The following NTN1 variants were observed in gnomAD, a reference collection of about 807,000 sequenced individuals.
The protein encoded by NTN1 is netrin 1, also known as netrin-1.
In NTN1, 11 loss-of-function variants were observed where a neutral mutation model predicts 54.2. That is an observed-to-expected ratio of 0.20 (90% CI 0.13 to 0.34). The LOEUF is 0.34. Ranked by LOEUF, NTN1 falls within the 10% of genes least tolerant of loss-of-function variation. The probability of loss-of-function intolerance (pLI) is 1.00; values close to 1 mark genes in which losing one functional copy is unlikely to be tolerated. For synonymous variants in NTN1, 371 were observed against 382.0 expected (o/e 0.97, Z 0.33); for missense variants, 740 against 893.1 (o/e 0.83, Z 2.18).
At chr17:9,189,682 T>TA (rs376865303) in intron 5 of NTN1, among the ~76,000 whole-genome samples, 12,757 of 147,630 alleles carry the variant, frequency 0.086, 727 homozygotes, top group East Asian at 0.21. Context: ...TTTAGATAAT[T>TA]AAAAAAAAAA....
chr17:9,085,156 C>T (rs1218362694), intron 2 of NTN1, among the ~76,000 whole-genome samples: 1 of 152,184 alleles, frequency 6.6e-6, no homozygotes, highest in Non-Finnish European at 1.5e-5. Flanking sequence ...TACCTCTTTC[C>T]CTCACTTCGT....
the NTN1 span, among the ~76,000 whole-genome samples, chr17:9,007,763 C>T: frequency 6.6e-6 from 1 of 150,726 alleles, no homozygotes; most frequent in Admixed American, 6.6e-5. Context: ...ATGGGGTCTC[C>T]TTCTGTCACC....
At chr17:9,009,424 T>C in the NTN1 span, among the ~76,000 whole-genome samples, 1 of 152,220 alleles carries the variant, frequency 6.6e-6, no homozygotes, top group Non-Finnish European at 1.5e-5. Flanking sequence ...TTCTGGGGGC[T>C]GGCATGGTGA....
intron 3 of NTN1, chr17:9,174,004 G>C (rs763514932): frequency 6.6e-6 from 1 of 152,540 alleles, no homozygotes; most frequent in Non-Finnish European, 1.5e-5. Flanking sequence ...GGGGGCTGCT[G>C]ATGGGGCCGG....
At chr17:9,177,627 G>A (rs1303851395) in intron 3 of NTN1, 1 of 152,194 alleles carries the variant, frequency 6.6e-6, no homozygotes, top group African/African-American at 2.4e-5. Context: ...CAGGGGCTTC[G>A]AAGACAGTAG....
chr17:9,044,423 CG>C lies in NTN1; in HGVS notation c.1018+21036del, dbSNP rs545265357. ...CTAGTTTTTGTATTTTTAGTAGAGA[CG>C]GGGTTTCACCGTGTTGGCCAGGCTG... On this transcript the variant is annotated intron_variant, in intron 2 of 6. Coordinates refer to ENST00000173229, the MANE Select transcript of NTN1 (RefSeq NM_004822.3). 1.0e-3 allele frequency among the ~76,000 whole-genome samples: 158 copies of C among 151,976 alleles called. No homozygotes were observed. The South Asian group carries it at 0.012, about 11-fold the overall frequency.
intron 2 of NTN1, among the ~76,000 whole-genome samples, chr17:9,160,923 A>G (rs1423875536): frequency 6.6e-6 from 1 of 152,238 alleles, no homozygotes; most frequent in Non-Finnish European, 1.5e-5. Context: ...GTGCCATTGC[A>G]CTCCAGCCTG....
chr17:9,020,138 C>G (rs998430688), upstream of NTN1, among the ~76,000 whole-genome samples: 2 of 152,326 alleles, frequency 1.3e-5, no homozygotes, highest in South Asian at 4.1e-4. Context: ...GAGGCCCCTT[C>G]TTAGATTCTC....
intron 2 of NTN1, among the ~76,000 whole-genome samples, chr17:9,116,278 G>A (rs965061099): frequency 1.3e-5 from 2 of 152,106 alleles, no homozygotes; most frequent in African/African-American, 4.8e-5. Context: ...GGAGGGTCAG[G>A]AAGCAGCCAC....
chr17:9,100,054 T>A (rs904162197), intron 2 of NTN1, among the ~76,000 whole-genome samples: 3 of 151,020 alleles, frequency 2.0e-5, no homozygotes, highest in African/African-American at 2.4e-5. Context: ...GCTCAAATGA[T>A]CCTCCCACCT....
At chr17:9,077,200 G>T (rs1388467375) in intron 2 of NTN1, among the ~76,000 whole-genome samples, 1 of 152,154 alleles carries the variant, frequency 6.6e-6, no homozygotes, top group Non-Finnish European at 1.5e-5. Flanking sequence ...AGTTGGGAAT[G>T]GAAAGGTTCA....
chr17:9,115,252 C>G (rs1179410708), intron 2 of NTN1, among the ~76,000 whole-genome samples: 2 of 152,222 alleles, frequency 1.3e-5, no homozygotes, highest in East Asian at 1.9e-4. Flanking sequence ...TCAGTAAGTT[C>G]AAGCCTTTGA....
intron 2 of NTN1, among the ~76,000 whole-genome samples, chr17:9,043,669 C>T (rs868467802): frequency 3.3e-5 from 5 of 151,804 alleles, no homozygotes; most frequent in Admixed American, 1.3e-4. Flanking sequence ...CTCCACCTCC[C>T]GGGTTCAAGC....
intron 6 of NTN1, among the ~76,000 whole-genome samples, chr17:9,234,270 T>C (rs930889243): frequency 2.0e-5 from 3 of 152,138 alleles, no homozygotes; most frequent in East Asian, 3.9e-4. Context: ...AACCCCAGAA[T>C]TGCTGAGAGG....
intron 2 of NTN1, among the ~76,000 whole-genome samples, chr17:9,130,599 C>T (rs985475060): frequency 6.6e-6 from 1 of 152,164 alleles, no homozygotes; most frequent in South Asian, 2.1e-4. Flanking sequence ...TCTGTTCTTC[C>T]AGACCTGCCC....
intron 5 of NTN1, among the ~76,000 whole-genome samples, chr17:9,209,046 C>G (rs1305008226): frequency 6.6e-6 from 1 of 152,254 alleles, no homozygotes; most frequent in Non-Finnish European, 1.5e-5. Flanking sequence ...TGGAGCCCAT[C>G]ACATGCAGTT....
intron 2 of NTN1, among the ~76,000 whole-genome samples, chr17:9,125,471 G>A (rs758076613): frequency 1.7e-4 from 26 of 152,006 alleles, no homozygotes; most frequent in African/African-American, 4.1e-4. Flanking sequence ...CAGATGATCC[G>A]TCTTCCTAGG....
chr17:9,137,803 A>T (rs906280911), intron 2 of NTN1, among the ~76,000 whole-genome samples: 4 of 152,138 alleles, frequency 2.6e-5, no homozygotes, highest in Non-Finnish European at 4.4e-5. Flanking sequence ...CAAAAAAAAA[A>T]AAATAAAACT....
intron 2 of NTN1, among the ~76,000 whole-genome samples, chr17:9,131,581 CT>C (rs11361363): frequency 0.048 from 6,409 of 133,908 alleles, 105 homozygotes; most frequent in Admixed American, 0.093. Flanking sequence ...TCCCTTGATG[CT>C]TTTTTTTTTT....
Sources: allele counts gnomAD v4.1 joint callset (sites outside exome capture counted in the v4.1 genomes callset), GRCh38; gene constraint gnomAD v4.1.1; transcripts MANE v1.5; gene names NCBI Gene and HGNC (gene_info 2026-07-23, HGNC 2026-07-21).